SYN3: variants seen among roughly 807,000 people sequenced by gnomAD.
SYN3 encodes the protein synapsin-3.
In SYN3, 35 loss-of-function variants were observed where a neutral mutation model predicts 65.8. The ratio of observed to expected loss-of-function variants is 0.53; its 90% CI spans 0.41 to 0.70. The LOEUF (loss-of-function observed/expected upper bound fraction) is 0.70, where lower values mean the gene tolerates loss of function less well. SYN3 is among the 30% of genes least tolerant of loss of function. The pLI is 0.00. For synonymous variants in SYN3, 270 were observed against 292.9 expected, an observed-to-expected ratio of 0.92 and a Z score of 0.80; for missense variants, 680 against 749.0, an observed-to-expected ratio of 0.91 and a Z score of 1.08.
intron 4 of SYN3, among the ~76,000 whole-genome samples, chr22:32,893,809 G>C (rs570374200): frequency 6.6e-6 from 1 of 152,136 alleles, no homozygotes; most frequent in African/African-American, 2.4e-5. Context: ...TTTGAACATG[G>C]CAGTGAGCTG....
intron 6 of SYN3, among the ~76,000 whole-genome samples, chr22:32,622,076 C>A (rs1249298251): frequency 6.6e-6 from 1 of 151,960 alleles, no homozygotes; most frequent in Non-Finnish European, 1.5e-5. Context: ...GGAATCTGAA[C>A]CCCACAAAAG....
chr22:32,849,944 A>C (rs567973026), intron 6 of SYN3, among the ~76,000 whole-genome samples: 1 of 151,988 alleles, frequency 6.6e-6, no homozygotes, highest in South Asian at 2.1e-4. Flanking sequence ...TCTGGGACTC[A>C]ACAGTGCTTA....
At chr22:33,001,037 C>A (rs1182899163) in intron 2 of SYN3, among the ~76,000 whole-genome samples, 2 of 152,168 alleles carry the variant, frequency 1.3e-5, no homozygotes, top group Non-Finnish European at 2.9e-5. Context: ...GGATGGAGTT[C>A]TGTGGGAGAA....
chr22:32,854,594 C>T (rs1205390056), intron 6 of SYN3, among the ~76,000 whole-genome samples: 3 of 152,110 alleles, frequency 2.0e-5, no homozygotes, highest in Non-Finnish European at 4.4e-5. Flanking sequence ...GGATGTTCTT[C>T]GAAGGCCACA....
intron 6 of SYN3, among the ~76,000 whole-genome samples, chr22:32,857,732 A>G (rs2048411428): frequency 6.6e-6 from 1 of 152,214 alleles, no homozygotes; most frequent in Admixed American, 6.5e-5. Context: ...AACAAAAATC[A>G]TTATAAAGGG....
At chr22:32,792,191 C>T (rs2046337132) in intron 6 of SYN3, among the ~76,000 whole-genome samples, 1 of 152,146 alleles carries the variant, frequency 6.6e-6, no homozygotes, top group South Asian at 2.1e-4. Context: ...AGCTGAGGCT[C>T]AGAGAGAGGT....
chr22:32,710,099 ATG>A (rs1555931599), intron 6 of SYN3, among the ~76,000 whole-genome samples: 48 of 65,630 alleles, frequency 7.3e-4, no homozygotes, highest in African/African-American at 3.9e-3. Context: ...ACACACACAC[ATG>A]TGTGTGTGTA....
At chr22:33,033,043 G>A (rs985705321) in intron 1 of SYN3, among the ~76,000 whole-genome samples, 10 of 151,168 alleles carry the variant, frequency 6.6e-5, no homozygotes, top group Non-Finnish European at 1.5e-4. Flanking sequence ...ATGGAGTTTC[G>A]CTCTTGTTGC....
rs1263444871 is a variant in SYN3, at chr22:32,512,152, T to C, written c.*1540A>G. Among the ~76,000 whole-genome samples the C allele has an allele frequency of 6.6e-6, 1 of 152,202 alleles. No individual in the cohort carries two copies. Among genetic ancestry groups the C allele is most frequent in the South Asian group, 2.1e-4 (1 of 4,816 alleles). On this transcript the variant is annotated 3_prime_UTR_variant, in exon 14 of 14. Coordinates refer to ENST00000358763, the MANE Select transcript of SYN3 (RefSeq NM_003490.4). ...TTTTGAAGGACCAAAAAGGAGATGATTGCTTTTATGCTCCTGGGAACCTGG... is the reference window on the plus strand; with the variant it reads ...TTTTGAAGGACCAAAAAGGAGATGACTGCTTTTATGCTCCTGGGAACCTGG...
intron 6 of SYN3, among the ~76,000 whole-genome samples, chr22:32,725,557 G>A (rs190730409): frequency 2.6e-5 from 4 of 152,294 alleles, no homozygotes; most frequent in African/African-American, 9.6e-5. Context: ...GTGGGCTGAT[G>A]GGTCCGTGAA....
At chr22:32,767,634 C>G (rs1385760203) in intron 6 of SYN3, among the ~76,000 whole-genome samples, 1 of 152,228 alleles carries the variant, frequency 6.6e-6, no homozygotes, top group Non-Finnish European at 1.5e-5. Context: ...ATTCCACTGT[C>G]TTTGAACTTA....
chr22:32,641,607 CA>C (rs34461957), intron 6 of SYN3, among the ~76,000 whole-genome samples: 10,929 of 67,628 alleles, frequency 0.16, 350 homozygotes, highest in African/African-American at 0.19. Flanking sequence ...GACTCCATCT[CA>C]AAAAAAAAAA....
In SYN3 at chr22:32,541,615, G is replaced by A. The variant is rs200854450; in HGVS notation, c.873C>T (p.Tyr291=). Reference sequence around the variant, plus strand: ...ATCCAATTTTCTGGATGCGGATGTCGTACTTGGAGTCGATGAAGGCCTCGG... The same window carrying A: ...ATCCAATTTTCTGGATGCGGATGTCATACTTGGAGTCGATGAAGGCCTCGG... ...ATTEAFIDSK[Y]DIRIQKIGSN... Residue 291 remains tyrosine, a synonymous_variant, in exon 8 of 14, where the codon TAC becomes TAT. Transcript: ENST00000358763. The A allele has an allele frequency of 1.5e-4, 249 of 1,614,066 alleles. 1 individual carries two copies. The East Asian group carries it at 3.1e-3, about 20-fold the overall frequency.
At chr22:33,056,762 G>A (rs1324220379) in intron 1 of SYN3, among the ~76,000 whole-genome samples, 2 of 152,200 alleles carry the variant, frequency 1.3e-5, no homozygotes, top group Non-Finnish European at 2.9e-5. Flanking sequence ...TGTCCCCAAA[G>A]CCTATGGCTA....
At chr22:32,545,531 A>G (rs1255270739) in intron 7 of SYN3, among the ~76,000 whole-genome samples, 1 of 152,074 alleles carries the variant, frequency 6.6e-6, no homozygotes, top group Admixed American at 6.5e-5. Context: ...TGTCACCAAC[A>G]GTGAGCATGG....
chr22:32,622,951 G>C (rs902813437), intron 6 of SYN3, among the ~76,000 whole-genome samples: 1 of 152,052 alleles, frequency 6.6e-6, no homozygotes, highest in Non-Finnish European at 1.5e-5. Context: ...GCTCATTTGA[G>C]AGCACAGCAG....
At chr22:32,542,472 G>C (rs1441695382) in intron 7 of SYN3, among the ~76,000 whole-genome samples, 1 of 151,624 alleles carries the variant, frequency 6.6e-6, no homozygotes, top group Non-Finnish European at 1.5e-5. Context: ...ATGTGTGTGT[G>C]GTGAGTTTGC....
At chr22:32,677,717 C>G (rs2060466331) in intron 6 of SYN3, among the ~76,000 whole-genome samples, 1 of 152,012 alleles carries the variant, frequency 6.6e-6, no homozygotes, top group South Asian at 2.1e-4. Context: ...AGGAGAATGG[C>G]ATGAACCTGG....
chr22:32,597,279 G>C (rs187694024), intron 6 of SYN3, among the ~76,000 whole-genome samples: 1 of 128,588 alleles, frequency 7.8e-6, no homozygotes. Flanking sequence ...GCAATGGCAC[G>C]ATCTCAGCTC....
Sources: gnomAD v4.1 joint callset for allele counts (sites outside exome capture counted in the v4.1 genomes callset) on GRCh38, gnomAD v4.1.1 for gene constraint, MANE v1.5 for transcripts, NCBI Gene and HGNC (gene_info 2026-07-23, HGNC 2026-07-21) for gene names.